CNTNAP2: variants seen among roughly 807,000 people sequenced by gnomAD.
CNTNAP2 encodes contactin associated protein 2, also known as contactin-associated protein-like 2.
Under a neutral mutation model 155.2 loss-of-function variants are expected in CNTNAP2, and 98 were observed. The ratio of observed to expected loss-of-function variants is 0.63; its 90% CI spans 0.54 to 0.75. The LOEUF is 0.75. CNTNAP2 is among the 30% of genes least tolerant of loss of function. The pLI, the probability that CNTNAP2 is intolerant of heterozygous loss-of-function variation, is 0.00. For missense variants in CNTNAP2, 1,727 were observed against 1,688.1 expected (o/e 1.02, Z -0.40); for synonymous variants, 651 against 631.2 (o/e 1.03, Z -0.47).
chr7:147,297,442 T>C (rs1525213), intron 8 of CNTNAP2, among the ~76,000 whole-genome samples: 40,792 of 151,924 alleles, frequency 0.27, 5,849 homozygotes, highest in African/African-American at 0.34. Context: ...TGAGAAACTA[T>C]AAGGAAAAAT....
intron 9 of CNTNAP2, among the ~76,000 whole-genome samples, chr7:147,345,186 A>G (rs1234151756): frequency 2.6e-5 from 4 of 152,176 alleles, no homozygotes; most frequent in African/African-American, 9.6e-5. Flanking sequence ...AACAACTGAA[A>G]ACAATGAAAA....
chr7:148,138,000 G>A (rs1804993906), intron 16 of CNTNAP2, among the ~76,000 whole-genome samples: 1 of 152,154 alleles, frequency 6.6e-6, no homozygotes, highest in Non-Finnish European at 1.5e-5. Flanking sequence ...ACACTGAAAG[G>A]ATTTGATAGA....
intron 17 of CNTNAP2, among the ~76,000 whole-genome samples, chr7:148,149,093 C>G (rs772814447): frequency 1.3e-5 from 2 of 152,192 alleles, no homozygotes; most frequent in African/African-American, 4.8e-5. Context: ...TCTGAACATG[C>G]TGGGTAGATT....
At chr7:146,735,388 T>C (rs1298931071) in intron 1 of CNTNAP2, among the ~76,000 whole-genome samples, 1 of 151,968 alleles carries the variant, frequency 6.6e-6, no homozygotes, top group African/African-American at 2.4e-5. Flanking sequence ...CTGTCTCTAC[T>C]AAAAAATACA....
At chr7:147,518,842 C>A (rs1425173105) in intron 11 of CNTNAP2, among the ~76,000 whole-genome samples, 1 of 151,886 alleles carries the variant, frequency 6.6e-6, no homozygotes, top group African/African-American at 2.4e-5. Flanking sequence ...ACCAGCCTGG[C>A]CAACATAGTG....
intron 9 of CNTNAP2, among the ~76,000 whole-genome samples, chr7:147,375,275 A>G (rs1015242411): frequency 6.8e-6 from 1 of 147,956 alleles, no homozygotes; most frequent in African/African-American, 2.4e-5. Flanking sequence ...AGATACTATT[A>G]TTTTCTCTAT....
At chr7:146,256,788 GA>G (rs1032665892) in intron 1 of CNTNAP2, among the ~76,000 whole-genome samples, 15 of 148,800 alleles carry the variant, frequency 1.0e-4, no homozygotes, top group East Asian at 3.9e-4. Context: ...TTACTGGTGG[GA>G]AAAAAAAACA....
At chr7:147,794,745 T>A (rs916761474) in intron 13 of CNTNAP2, among the ~76,000 whole-genome samples, 26 of 149,880 alleles carry the variant, frequency 1.7e-4, no homozygotes, top group African/African-American at 6.3e-4. Context: ...TAGTTTTTTT[T>A]TTAAAAACAA....
rs1265953244 is a variant in CNTNAP2 at position 146,455,990 on chromosome 7, T to A, written c.98-318281T>A. ...TACCATATTGGCTATAAACCATGAA[T>A]TGATATGAAATCTGAGCACATGCAT... On this transcript the variant is annotated intron_variant, in intron 1 of 23. Coordinates refer to ENST00000361727, the MANE Select transcript of CNTNAP2 (RefSeq NM_014141.6). 2.0e-5 allele frequency among the ~76,000 whole-genome samples: 3 copies of A among 152,310 alleles called. 1 individual carries two copies. Among genetic ancestry groups the A allele is most frequent in the African/African-American group, 7.2e-5 (3 of 41,592 alleles).
intron 10 of CNTNAP2, among the ~76,000 whole-genome samples, chr7:147,408,032 C>A (rs1009528029): frequency 1.3e-5 from 2 of 152,196 alleles, no homozygotes; most frequent in African/African-American, 2.4e-5. Flanking sequence ...TTCATTTATT[C>A]ATTTATCCAT....
At chr7:146,522,653 T>C (rs1797631609) in intron 1 of CNTNAP2, among the ~76,000 whole-genome samples, 2 of 151,832 alleles carry the variant, frequency 1.3e-5, no homozygotes, top group Non-Finnish European at 2.9e-5. Context: ...CATTTTTAGA[T>C]ATTATAGTAT....
At chr7:147,010,523 C>CCTGG (rs1311944577) in intron 3 of CNTNAP2, among the ~76,000 whole-genome samples, 1 of 151,956 alleles carries the variant, frequency 6.6e-6, no homozygotes, top group Non-Finnish European at 1.5e-5. Flanking sequence ...ATGATGGTAA[C>CCTGG]CTGGCAGAAG....
intron 1 of CNTNAP2, among the ~76,000 whole-genome samples, chr7:146,363,125 C>G (rs1480718792): frequency 1.3e-5 from 2 of 152,084 alleles, no homozygotes; most frequent in African/African-American, 4.8e-5. Context: ...TTACATAGCA[C>G]TTATAATAGG....
intron 1 of CNTNAP2, among the ~76,000 whole-genome samples, chr7:146,496,117 G>A (rs892966484): frequency 1.3e-5 from 2 of 152,120 alleles, no homozygotes; most frequent in African/African-American, 4.8e-5. Context: ...CCTGATATGT[G>A]TCTCCAAGTG....
chr7:146,433,194 T>G (rs1278310037), intron 1 of CNTNAP2, among the ~76,000 whole-genome samples: 1 of 152,164 alleles, frequency 6.6e-6, no homozygotes, highest in African/African-American at 2.4e-5. Flanking sequence ...TAAATTGAAT[T>G]TAGCATATTT....
intron 10 of CNTNAP2, among the ~76,000 whole-genome samples, chr7:147,444,689 T>A (rs1797702416): frequency 6.6e-6 from 1 of 151,996 alleles, no homozygotes; most frequent in East Asian, 1.9e-4. Context: ...TCCATGCCAA[T>A]GAGATGAGAG....
At chr7:146,354,411 A>ATTTTTTTTTTTTTTTTTTTTTT (rs10641636) in intron 1 of CNTNAP2, among the ~76,000 whole-genome samples, 7 of 135,346 alleles carry the variant, frequency 5.2e-5, no homozygotes, top group Non-Finnish European at 4.7e-5. Context: ...TCTTGTTAGT[A>ATTTTTTTTTTTTTTTTTTTTTT]TTTTTTTTTT....
intron 12 of CNTNAP2, among the ~76,000 whole-genome samples, chr7:147,611,800 A>AGG (rs1801191691): frequency 1.3e-5 from 2 of 152,326 alleles, no homozygotes. Context: ...AACTGCATAC[A>AGG]TAGCTGGCAT....
At chr7:147,470,427 G>T (rs1379328992) in intron 10 of CNTNAP2, among the ~76,000 whole-genome samples, 8 of 152,076 alleles carry the variant, frequency 5.3e-5, no homozygotes, top group Non-Finnish European at 8.8e-5. Context: ...AGTAGAGATG[G>T]TAGCTACAAT....
Sources: gnomAD v4.1 joint callset for allele counts (sites outside exome capture counted in the v4.1 genomes callset) on GRCh38, gnomAD v4.1.1 for gene constraint, MANE v1.5 for transcripts, NCBI Gene and HGNC (gene_info 2026-07-23, HGNC 2026-07-21) for gene names.